The following STXBP6 variants were observed in gnomAD, a reference collection of about 807,000 sequenced individuals.
The protein encoded by STXBP6 is syntaxin-binding protein 6.
STXBP6 carries 21 observed loss-of-function variants against 26.9 expected under a neutral mutation model. The observed-to-expected ratio is 0.78, with a 90% confidence interval of 0.55 to 1.12. The LOEUF (loss-of-function observed/expected upper bound fraction) is 1.12. Among genes scored for constraint, STXBP6 ranks in the 50% most tolerant of loss-of-function variants. The pLI is 0.00. For synonymous variants in STXBP6, 97 were observed against 92.6 expected (o/e 1.05, Z -0.27); for missense variants, 232 against 257.9 (o/e 0.90, Z 0.69).
intron 2 of STXBP6, among the ~76,000 whole-genome samples, chr14:24,901,353 C>CA (rs397732626): frequency 1.6e-4 from 24 of 151,752 alleles, no homozygotes; most frequent in East Asian, 1.4e-3. Flanking sequence ...GGCTCCCCCC[C>CA]AAAAAAAGAC....
intron 2 of STXBP6, among the ~76,000 whole-genome samples, chr14:24,860,062 C>T (rs1433112856): frequency 1.3e-5 from 2 of 152,276 alleles, no homozygotes; most frequent in Admixed American, 6.5e-5. Flanking sequence ...ACTATTATGT[C>T]CAGAATATCC....
At chr14:25,025,092 A>C (rs1010907439) in intron 1 of STXBP6, among the ~76,000 whole-genome samples, 3 of 152,220 alleles carry the variant, frequency 2.0e-5, no homozygotes, top group Non-Finnish European at 4.4e-5. Flanking sequence ...CATTAAAAAG[A>C]AAATGTGTTA....
At chr14:24,836,978 T>C (rs967874631) in intron 4 of STXBP6, among the ~76,000 whole-genome samples, 1 of 152,214 alleles carries the variant, frequency 6.6e-6, no homozygotes, top group African/African-American at 2.4e-5. Flanking sequence ...CATTTCCTTT[T>C]GTGGACTAAA....
chr14:24,976,907 G>C (rs1370261896), intron 1 of STXBP6, among the ~76,000 whole-genome samples: 2 of 116,246 alleles, frequency 1.7e-5, no homozygotes, highest in Non-Finnish European at 3.3e-5. Context: ...TTATCACCCA[G>C]GCTGGAGTGC....
At chr14:24,909,672 C>T (rs2071500611) in intron 2 of STXBP6, among the ~76,000 whole-genome samples, 1 of 150,776 alleles carries the variant, frequency 6.6e-6, no homozygotes, top group South Asian at 2.1e-4. Flanking sequence ...GTGGCAGGGC[C>T]AGATCTAGCA....
chr14:24,970,472 TCA>T (rs1292536252), intron 2 of STXBP6, among the ~76,000 whole-genome samples: 1 of 152,178 alleles, frequency 6.6e-6, no homozygotes, highest in Non-Finnish European at 1.5e-5. Flanking sequence ...ATAAATAGAA[TCA>T]CATAGTATAT....
intron 2 of STXBP6, among the ~76,000 whole-genome samples, chr14:24,892,499 G>A (rs926688879): frequency 6.6e-6 from 1 of 152,146 alleles, no homozygotes; most frequent in African/African-American, 2.4e-5. Flanking sequence ...TCATGGAGTT[G>A]CATCCTTAGA....
Position 25,049,007 on chromosome 14 carries a change from G to C in STXBP6, c.-33+871C>G, listed in dbSNP as rs2075765897. The C allele has an allele frequency of 3.8e-6, 1 of 259,776 alleles. No homozygotes were observed. Among genetic ancestry groups the C allele is most frequent in the Non-Finnish European group, 6.0e-6 (1 of 166,484 alleles). The allele number at this position is 259,776 out of a possible 1,614,324, so 16.1% of individuals were successfully genotyped here. A position where few individuals can be genotyped will look rare whatever the true frequency, so the allele number is the denominator to read the frequency against. ...GTCCCTAGGGAAGCGTAATAGGAAG[G>C]GGAGAAGGTTCGTTATGAAATCCTG... On this transcript the variant is annotated intron_variant, in intron 1 of 5. Coordinates refer to ENST00000323944, the MANE Select transcript of STXBP6 (RefSeq NM_001394410.1). This position sits in a 1 kb window ranked among gnomAD's most constrained non-coding sequence, Gnocchi z 5.6.
intron 1 of STXBP6, among the ~76,000 whole-genome samples, chr14:24,990,330 A>C (rs2074434277): frequency 6.6e-6 from 1 of 152,174 alleles, no homozygotes; most frequent in African/African-American, 2.4e-5. Flanking sequence ...CCGACTTAGG[A>C]AGAATCAATC....
chr14:24,909,741 A>T (rs28668993), intron 2 of STXBP6, among the ~76,000 whole-genome samples: 16,121 of 150,754 alleles, frequency 0.11, 1,036 homozygotes, highest in Non-Finnish European at 0.14. Context: ...TTTTTTTGAC[A>T]GTCTTGCTCT....
chr14:24,893,202 T>C (rs1027673116), intron 2 of STXBP6, among the ~76,000 whole-genome samples: 3 of 152,254 alleles, frequency 2.0e-5, no homozygotes, highest in Non-Finnish European at 4.4e-5. Flanking sequence ...GCCTTTCGTA[T>C]GAACAATACA....
At chr14:24,817,170 A>G (rs371502450) in intron 5 of STXBP6, 1 of 152,186 alleles carries the variant, frequency 6.6e-6, no homozygotes, top group Admixed American at 6.5e-5. Context: ...CTACTATTCC[A>G]TATTGCTTTC....
intron 1 of STXBP6, among the ~76,000 whole-genome samples, chr14:25,015,184 T>C (rs927754551): frequency 6.6e-6 from 1 of 152,160 alleles, no homozygotes; most frequent in Admixed American, 6.5e-5. Flanking sequence ...AAGATAACCA[T>C]TATCTTTTTC....
At chr14:24,921,718 G>A (rs1281355956) in intron 2 of STXBP6, among the ~76,000 whole-genome samples, 10 of 152,012 alleles carry the variant, frequency 6.6e-5, no homozygotes, top group Non-Finnish European at 1.5e-4. Context: ...AAAGTCAGGC[G>A]GCAAATTACA....
rs1295955367 is a variant in STXBP6, at chr14:24,925,627, T to C, written c.154+49038A>G. ...TCCACTCTGAAACTTCTCAACTCCATAGGATTTTTGAGTAGCTTCTCAGAA... is the reference window on the plus strand; with the variant it reads ...TCCACTCTGAAACTTCTCAACTCCACAGGATTTTTGAGTAGCTTCTCAGAA... On this transcript the variant is annotated intron_variant, in intron 2 of 5. Transcript: ENST00000323944. Among the ~76,000 whole-genome samples, 8 of 152,180 alleles carry C rather than the reference T, an allele frequency of 5.3e-5. No homozygotes were observed. In the East Asian group the frequency reaches 7.7e-4, roughly 15 times the overall value.
At chr14:25,009,616 T>C (rs1358163118) in intron 1 of STXBP6, among the ~76,000 whole-genome samples, 1 of 152,130 alleles carries the variant, frequency 6.6e-6, no homozygotes, top group African/African-American at 2.4e-5. Context: ...ACCTACTCTT[T>C]GAGAACTTAC....
chr14:25,028,374 G>A (rs1384649260), intron 1 of STXBP6, among the ~76,000 whole-genome samples: 2 of 152,018 alleles, frequency 1.3e-5, no homozygotes, highest in African/African-American at 4.8e-5. Context: ...AAAATCCTAG[G>A]GCCCTTAAGC....
intron 2 of STXBP6, among the ~76,000 whole-genome samples, 185 bp from the exon 3 acceptor site, chr14:24,857,342 G>C (rs2069374550): frequency 6.6e-6 from 1 of 152,066 alleles, no homozygotes; most frequent in South Asian, 2.1e-4. Context: ...AAAGGAAATA[G>C]ATGTTACAAT....
At chr14:24,971,957 C>T (rs1194047430) in intron 2 of STXBP6, among the ~76,000 whole-genome samples, 3 of 152,162 alleles carry the variant, frequency 2.0e-5, no homozygotes, top group Admixed American at 2.0e-4. Context: ...TAATTAATTG[C>T]TAATTAAAAC....
Sources: allele counts gnomAD v4.1 joint callset (sites outside exome capture counted in the v4.1 genomes callset), GRCh38; gene constraint gnomAD v4.1.1; non-coding constraint Gnocchi (gnomAD v3.1); transcripts MANE v1.5; gene names NCBI Gene and HGNC (gene_info 2026-07-23, HGNC 2026-07-21).